DCUN1D1: variants seen among roughly 807,000 people sequenced by gnomAD.
The protein encoded by DCUN1D1 is defective in cullin neddylation 1 domain containing 1.
DCUN1D1 carries 3 observed loss-of-function variants against 39.0 expected under a neutral mutation model. That is an observed-to-expected ratio of 0.08 (90% CI 0.04 to 0.20). DCUN1D1 has a LOEUF of 0.20. DCUN1D1 is among the 10% of genes least tolerant of loss of function. DCUN1D1 has a pLI of 1.00. For synonymous variants in DCUN1D1, 82 were observed against 96.3 expected (o/e 0.85, Z 0.87); for missense variants, 158 against 302.4 (o/e 0.52, Z 3.54).
intron 4 of DCUN1D1, among the ~76,000 whole-genome samples, chr3:182,960,729 T>A (rs1449489266): frequency 7.2e-5 from 11 of 152,212 alleles, no homozygotes; most frequent in Admixed American, 2.0e-4. Context: ...AATGGATTGA[T>A]CTAAACTTTT....
At chr3:182,977,597 G>A (rs1040344557) in intron 1 of DCUN1D1, among the ~76,000 whole-genome samples, 4 of 152,016 alleles carry the variant, frequency 2.6e-5, no homozygotes, top group African/African-American at 4.8e-5. Flanking sequence ...CACCACGCCT[G>A]GCTAATTTTT....
At chr3:182,949,913 A>G (rs1726621327) in intron 4 of DCUN1D1, among the ~76,000 whole-genome samples, 1 of 152,182 alleles carries the variant, frequency 6.6e-6, no homozygotes, top group South Asian at 2.1e-4. Context: ...ATGGTTTCAC[A>G]TACAAACATA....
chr3:182,981,176 T>C (rs1728535239), upstream of DCUN1D1, among the ~76,000 whole-genome samples: 1 of 152,112 alleles, frequency 6.6e-6, no homozygotes, highest in Non-Finnish European at 1.5e-5. Context: ...CAGACCTGTC[T>C]ACTGGGAGAC....
intron 4 of DCUN1D1, among the ~76,000 whole-genome samples, chr3:182,952,015 T>C (rs540783431): frequency 2.0e-5 from 3 of 152,288 alleles, no homozygotes; most frequent in South Asian, 4.1e-4. Flanking sequence ...GAATTTCTTA[T>C]AGTCTACACT....
Position 182,939,360 on chromosome 3 carries a change from G to A in DCUN1D1, c.*5734C>T, listed in dbSNP as rs181312916. On this transcript the variant is annotated 3_prime_UTR_variant, in exon 7 of 7. Coordinates refer to ENST00000292782, the MANE Select transcript of DCUN1D1 (RefSeq NM_020640.4). ...CACAACCTGACAATTCCACAACTAG[G>A]AATCTGAGATGAAAACATGTCCACA... 22 of 152,210 alleles carry A rather than the reference G, an allele frequency of 1.4e-4. No homozygotes were observed. In the East Asian group the frequency reaches 4.2e-3, roughly 29 times the overall value. The allele number at this position is 152,210 out of a possible 1,614,324, so 9.4% of individuals were successfully genotyped here.
intron 1 of DCUN1D1, among the ~76,000 whole-genome samples, chr3:182,966,478 T>C (rs1027879979): frequency 2.0e-5 from 3 of 152,134 alleles, no homozygotes; most frequent in South Asian, 2.1e-4. Context: ...GCAGAGACCC[T>C]TGGTCTCTCC....
intron 1 of DCUN1D1, chr3:182,980,127 G>A (rs895998819): frequency 1.2e-5 from 11 of 942,650 alleles, no homozygotes; most frequent in Non-Finnish European, 1.3e-5. Flanking sequence ...CCGGCAGAGG[G>A]GCAGGGGCAA....
rs1430027318 is a variant in DCUN1D1 at position 182,940,003 on chromosome 3, A to C, written c.*5091T>G. Reference sequence around the variant, plus strand: ...CTTGAAAACTAAACACGCTGCTTTCAAAGGATTCCAAGTACACCCATCTCT... The same window carrying C: ...CTTGAAAACTAAACACGCTGCTTTCCAAGGATTCCAAGTACACCCATCTCT... On this transcript the variant is annotated 3_prime_UTR_variant, in exon 7 of 7. Transcript: ENST00000292782. The C allele has an allele frequency of 6.6e-6, 1 of 152,204 alleles. No homozygotes were observed. Among genetic ancestry groups the C allele is most frequent in the Non-Finnish European group, 1.5e-5 (1 of 68,030 alleles). The allele number at this position is 152,204 out of a possible 1,614,324, so 9.4% of individuals were successfully genotyped here. A position where few individuals can be genotyped will look rare whatever the true frequency, so the allele number is the denominator to read the frequency against.
chr3:182,978,711 C>T (rs992949727), intron 1 of DCUN1D1, among the ~76,000 whole-genome samples: 3 of 152,182 alleles, frequency 2.0e-5, no homozygotes, highest in African/African-American at 7.2e-5. Context: ...AATATCACGA[C>T]AATTCTCATG....
Position 182,939,332 on chromosome 3 carries a change from C to T in DCUN1D1, c.*5762G>A, listed in dbSNP as rs1012810569. On this transcript the variant is annotated 3_prime_UTR_variant, in exon 7 of 7. Coordinates refer to ENST00000292782, the MANE Select transcript of DCUN1D1 (RefSeq NM_020640.4). ...TTTAAAAACGTTAGGTATAAATTTA[C>T]CACACAACCTGACAATTCCACAACT... 1 of 152,096 alleles carries T rather than the reference C, an allele frequency of 6.6e-6. No homozygotes were observed. Among genetic ancestry groups the T allele is most frequent in the Non-Finnish European group, 1.5e-5 (1 of 68,020 alleles). The allele number at this position is 152,096 out of a possible 1,614,324, so 9.4% of individuals were successfully genotyped here.
At position 182,957,489 on chromosome 3, in the gene DCUN1D1, T is replaced by A. The variant is rs551022233; in HGVS notation, c.520+3737A>T. ...AAAAAATGTAAAAATTAGCCAGGCA[T>A]GGTGGCACACGCCTGTAGTCTGGCT... On this transcript the variant is annotated intron_variant, in intron 4 of 6. Coordinates refer to ENST00000292782, the MANE Select transcript of DCUN1D1 (RefSeq NM_020640.4). 3.3e-5 allele frequency among the ~76,000 whole-genome samples: 5 copies of A among 152,046 alleles called. No homozygotes were observed. In the East Asian group the frequency reaches 9.7e-4, roughly 30 times the overall value.
chr3:182,979,266 A>AT (rs1728394526), intron 1 of DCUN1D1, among the ~76,000 whole-genome samples: 1 of 152,216 alleles, frequency 6.6e-6, no homozygotes, highest in African/African-American at 2.4e-5. Context: ...ATATCCATAC[A>AT]TGACAACAAA....
At chr3:182,949,358 G>A (rs564874669) in intron 4 of DCUN1D1, among the ~76,000 whole-genome samples, 53 of 149,918 alleles carry the variant, frequency 3.5e-4, no homozygotes, top group South Asian at 1.1e-3. Context: ...ACAAGACTCC[G>A]TCTCAGAAAC....
intron 4 of DCUN1D1, among the ~76,000 whole-genome samples, chr3:182,960,868 A>G (rs1017068719): frequency 1.5e-4 from 23 of 152,230 alleles, no homozygotes; most frequent in Non-Finnish European, 2.9e-4. Flanking sequence ...GAAATCTTAT[A>G]GTGCTATTTC....
intron 4 of DCUN1D1, among the ~76,000 whole-genome samples, chr3:182,959,548 A>G (rs534355601): frequency 6.9e-6 from 1 of 144,898 alleles, no homozygotes; most frequent in East Asian, 2.1e-4. Flanking sequence ...TTCACTGGGT[A>G]AGTTACTTAA....
At position 182,947,746 on chromosome 3, in the gene DCUN1D1, T is replaced by C. The variant is rs1577158472; in HGVS notation, c.521-114A>G. On this transcript the variant is annotated intron_variant, in intron 4 of 6. Transcript: ENST00000292782. ...CAAAGAAAGTCTAAAAATAAAAAAC[T>C]TGTATCCTGAATACTTATGTATTAA... 4 of 636,232 alleles carry C rather than the reference T, an allele frequency of 6.3e-6. No homozygotes were observed. In the South Asian group the frequency reaches 6.5e-5, roughly 10 times the overall value. 39.4% of individuals were successfully genotyped at this position (636,232 alleles called of 1,614,324 possible). A position where few individuals can be genotyped will look rare whatever the true frequency, so the allele number is the denominator to read the frequency against.
At position 182,960,991 on chromosome 3, in the gene DCUN1D1, T is replaced by C. The variant is rs551345987; in HGVS notation, c.520+235A>G. On this transcript the variant is annotated intron_variant, in intron 4 of 6. Coordinates refer to ENST00000292782, the MANE Select transcript of DCUN1D1 (RefSeq NM_020640.4). Reference sequence around the variant, plus strand: ...GGAATTTTAACAACTATCTTCTATATTGACTGTAGTTTTCATAAAGCAAAA... The same window carrying C: ...GGAATTTTAACAACTATCTTCTATACTGACTGTAGTTTTCATAAAGCAAAA... Among the ~76,000 whole-genome samples the C allele has an allele frequency of 3.9e-5, 6 of 152,324 alleles. No individual in the cohort carries two copies. The East Asian group carries it at 1.2e-3, about 29-fold the overall frequency.
At chr3:182,974,227 G>A (rs928942143) in intron 1 of DCUN1D1, among the ~76,000 whole-genome samples, 1 of 152,162 alleles carries the variant, frequency 6.6e-6, no homozygotes, top group Non-Finnish European at 1.5e-5. Flanking sequence ...ACTCCAGCCT[G>A]CGCAACACAG....
At chr3:182,962,195 T>C (rs1018084035) in intron 3 of DCUN1D1, among the ~76,000 whole-genome samples, 4 of 152,230 alleles carry the variant, frequency 2.6e-5, no homozygotes, top group Non-Finnish European at 5.9e-5. Flanking sequence ...AAACCTGTCC[T>C]AGCACAGAAA....
Sources: gnomAD v4.1 joint callset for allele counts (sites outside exome capture counted in the v4.1 genomes callset) on GRCh38, gnomAD v4.1.1 for gene constraint, MANE v1.5 for transcripts, NCBI Gene and HGNC (gene_info 2026-07-23, HGNC 2026-07-21) for gene names.